The following PNKD variants were observed in gnomAD, a reference collection of about 807,000 sequenced individuals.
PNKD encodes probable thioesterase PNKD.
Under a neutral mutation model 45.3 loss-of-function variants are expected in PNKD, and 36 were observed. The observed-to-expected ratio is 0.80, with a 90% CI of 0.61 to 1.05. The LOEUF (loss-of-function observed/expected upper bound fraction) is 1.05. PNKD is among the 50% of genes least tolerant of loss of function. PNKD has a pLI of 0.00. For missense variants in PNKD, 511 were observed against 506.6 expected (o/e 1.01, Z -0.08); for synonymous variants, 197 against 210.1 (o/e 0.94, Z 0.54).
chr2:218,279,660 A>T (rs917699153), intron 2 of PNKD: 4 of 488,638 alleles, frequency 8.2e-6, no homozygotes, highest in African/African-American at 1.9e-5. Flanking sequence ...TGCACGCTCT[A>T]TGCAGCTGTG....
intron 2 of PNKD, chr2:218,284,275 T>C (rs905881574): frequency 2.6e-5 from 4 of 151,210 alleles, no homozygotes; most frequent in African/African-American, 7.3e-5. Flanking sequence ...CTCTGTGAAA[T>C]AAGGTGGGGG....
At chr2:218,344,787 C>G in intron 9 of PNKD, 21 bp from the exon 10 acceptor site, 1 of 1,612,934 alleles carries the variant, frequency 6.2e-7, no homozygotes, top group Non-Finnish European at 8.5e-7. Flanking sequence ...CTCCACCAAA[C>G]CTGGTTCCTC....
At chr2:218,336,557 T>G (rs1456197123) in intron 2 of PNKD, among the ~76,000 whole-genome samples, 2 of 152,084 alleles carry the variant, frequency 1.3e-5, no homozygotes, top group Non-Finnish European at 2.9e-5. Context: ...CATGGCTCAC[T>G]GCAGCCTTGA....
At chr2:218,331,457 AT>A (rs1694316969) in intron 2 of PNKD, among the ~76,000 whole-genome samples, 1 of 150,102 alleles carries the variant, frequency 6.7e-6, no homozygotes. Flanking sequence ...CATGCTTTTT[AT>A]TTTTATTTTT....
intron 2 of PNKD, chr2:218,285,644 G>C (rs774277491): frequency 6.6e-6 from 1 of 152,298 alleles, no homozygotes; most frequent in Non-Finnish European, 1.5e-5. Context: ...CTTGGTTACC[G>C]AGCTGGTCCT....
At chr2:218,311,744 C>A (rs1264882381) in intron 2 of PNKD, among the ~76,000 whole-genome samples, 1 of 151,978 alleles carries the variant, frequency 6.6e-6, no homozygotes, top group East Asian at 1.9e-4. Context: ...GAGACAGAAG[C>A]CTTCCTCTTA....
At chr2:218,277,619 AT>A in intron 2 of PNKD, 1 of 1,614,208 alleles carries the variant, frequency 6.2e-7, no homozygotes, top group Non-Finnish European at 8.5e-7. Flanking sequence ...GTGGTGCTTT[AT>A]CCCTGAATGT....
chr2:218,278,449 CA>C, intron 2 of PNKD: 1 of 1,523,154 alleles, frequency 6.6e-7, no homozygotes, highest in Non-Finnish European at 9.1e-7. Flanking sequence ...TCCTTCTTTC[CA>C]AAATACTCGG....
rs770548641 is a variant in PNKD at position 218,341,979 on chromosome 2, A to G, written c.618-2A>G. 2 of 1,611,638 alleles carry G rather than the reference A, an allele frequency of 1.2e-6. No individual in the cohort carries two copies. The highest frequency in any genetic ancestry group is 2.2e-5 in the East Asian group (1 of 44,870). On this transcript the variant is annotated splice_acceptor_variant, in intron 6 of 9. Coordinates refer to ENST00000273077, the MANE Select transcript of PNKD (RefSeq NM_015488.5). LOFTEE classifies it high-confidence loss of function. ...TCTGTCCCCTGCTCCCTTGTTCCCC[A>G]GTCCCCTGTGTCATCAAGATGTGGT...
At chr2:218,290,553 A>G (rs1198046974) in intron 2 of PNKD, among the ~76,000 whole-genome samples, 4 of 152,112 alleles carry the variant, frequency 2.6e-5, no homozygotes, top group African/African-American at 9.7e-5. Flanking sequence ...CCCATTCCAC[A>G]CAGCTGCTAT....
chr2:218,287,605 G>A (rs948333329), intron 2 of PNKD, among the ~76,000 whole-genome samples: 1 of 152,194 alleles, frequency 6.6e-6, no homozygotes, highest in Non-Finnish European at 1.5e-5. Context: ...AGCTACTCGG[G>A]AGGCTGAGGC....
chr2:218,278,695 AG>A lies in PNKD; in HGVS notation c.236+7147del, dbSNP rs1389503991. On this transcript the variant is annotated intron_variant, in intron 2 of 9. Transcript: ENST00000273077. Reference sequence around the variant, plus strand: ...AGGGGAAGCAACTCAACAGGAAGCAAGAACGAGATTACCCCCAGCCAGGGTC... The same window carrying A: ...AGGGGAAGCAACTCAACAGGAAGCAAAACGAGATTACCCCCAGCCAGGGTC... 7.1e-6 allele frequency: 7 copies of A among 989,308 alleles called. No homozygotes were observed. The African/African-American group carries it at 1.1e-4, about 16-fold the overall frequency. The allele number at this position is 989,308 out of a possible 1,614,324, so 61.3% of individuals were successfully genotyped here. A position where few individuals can be genotyped will look rare whatever the true frequency, so the allele number is the denominator to read the frequency against.
At chr2:218,324,006 C>T (rs1206735816) in intron 2 of PNKD, among the ~76,000 whole-genome samples, 2 of 152,222 alleles carry the variant, frequency 1.3e-5, no homozygotes, top group Non-Finnish European at 2.9e-5. Flanking sequence ...CTAACCAAAG[C>T]CTGGCCCGTG....
At chr2:218,313,862 T>C (rs1288485430) in intron 2 of PNKD, among the ~76,000 whole-genome samples, 1 of 151,890 alleles carries the variant, frequency 6.6e-6, no homozygotes, top group African/African-American at 2.4e-5. Flanking sequence ...TTTGGTTAAG[T>C]GAAAATCAAA....
chr2:218,284,993 G>A lies in PNKD; in HGVS notation c.236+13444G>A, dbSNP rs140688206. Among the ~76,000 whole-genome samples the A allele has an allele frequency of 1.7e-4, 26 of 152,314 alleles. 2 individuals carry two copies. The East Asian group carries it at 4.8e-3, about 28-fold the overall frequency. ...GAATCCCAGTTACTCGGGAGGCTGA[G>A]GCAGGAGAATCGATTCAACCTGGGA... On this transcript the variant is annotated intron_variant, in intron 2 of 9. Coordinates refer to ENST00000273077, the MANE Select transcript of PNKD (RefSeq NM_015488.5).
At chr2:218,338,236 G>A (rs1045118736) in intron 2 of PNKD, among the ~76,000 whole-genome samples, 8 of 151,988 alleles carry the variant, frequency 5.3e-5, no homozygotes, top group Non-Finnish European at 1.2e-4. Context: ...CGAGGCAGGC[G>A]GATCACCTAA....
chr2:218,338,125 G>A (rs543755335), intron 2 of PNKD, among the ~76,000 whole-genome samples: 2 of 149,024 alleles, frequency 1.3e-5, no homozygotes, highest in East Asian at 2.0e-4. Flanking sequence ...CCTGCCTGAC[G>A]ACAGAGTGAG....
In PNKD at chr2:218,326,832, A is replaced by T. The variant is rs181895096; in HGVS notation, c.237-12951A>T. The T allele has an allele frequency of 3.3e-5, 5 of 152,392 alleles. No homozygotes were observed. The East Asian group carries it at 9.7e-4, about 29-fold the overall frequency. The allele number at this position is 152,392 out of a possible 1,614,324, so 9.4% of individuals were successfully genotyped here. A position where few individuals can be genotyped will look rare whatever the true frequency, so the allele number is the denominator to read the frequency against. On this transcript the variant is annotated intron_variant, in intron 2 of 9. Transcript: ENST00000273077. The surrounding 1 kb of genome is among the most constrained non-coding windows in gnomAD (Gnocchi z 4.1). ...GGGTCCCAGATATGAACAGGTTCTGATCGCTGTTCTGCAGGGAAGGGGAAA... is the reference window on the plus strand; with the variant it reads ...GGGTCCCAGATATGAACAGGTTCTGTTCGCTGTTCTGCAGGGAAGGGGAAA...
At chr2:218,337,449 A>T (rs995780350) in intron 2 of PNKD, among the ~76,000 whole-genome samples, 11 of 152,202 alleles carry the variant, frequency 7.2e-5, no homozygotes, top group Non-Finnish European at 1.5e-4. Context: ...AAGGAAAAGG[A>T]TGGATTGGTT....
Sources: gnomAD v4.1 joint callset for allele counts (sites outside exome capture counted in the v4.1 genomes callset) on GRCh38, gnomAD v4.1.1 for gene constraint, Gnocchi (gnomAD v3.1) non-coding constraint, MANE v1.5 for transcripts, NCBI Gene and HGNC (gene_info 2026-07-23, HGNC 2026-07-21) for gene names.